Variants in RNF14 observed in about 807,000 individuals in gnomAD.
RNF14 encodes the protein ring finger protein 14.
Under a neutral mutation model 52.6 loss-of-function variants are expected in RNF14, and 26 were observed. The ratio of observed to expected loss-of-function variants is 0.49; its 90% CI spans 0.36 to 0.69. The LOEUF is 0.69. Ranked by LOEUF, RNF14 falls within the 30% of genes least tolerant of loss-of-function variation. RNF14 has a pLI of 0.00. For synonymous variants in RNF14, 194 were observed against 202.0 expected (o/e 0.96, Z 0.34); for missense variants, 404 against 560.4 (o/e 0.72, Z 2.82).
intron 1 of RNF14, chr5:141,958,529 C>G (rs1596648760): frequency 6.6e-6 from 1 of 152,646 alleles, no homozygotes; most frequent in South Asian, 2.1e-4. Flanking sequence ...TCTCTTTGTT[C>G]CTATCTTTTC....
chr5:141,969,582 G>A (rs924922521), intron 1 of RNF14: 1 of 152,296 alleles, frequency 6.6e-6, no homozygotes, highest in Non-Finnish European at 1.5e-5. Flanking sequence ...AATGGATAGA[G>A]TGAGAAGGAA....
chr5:141,957,452 G>A (rs751221718), upstream of RNF14: 17 of 1,612,398 alleles, frequency 1.1e-5, no homozygotes, highest in Non-Finnish European at 1.4e-5. This position sits in a 1 kb window ranked among gnomAD's most constrained non-coding sequence, Gnocchi z 4.3. Flanking sequence ...TTGGGAAACC[G>A]TGGCTGGTGG....
At chr5:141,956,243 C>T (rs141885211), upstream of RNF14, 27 of 1,614,090 alleles carry the variant, frequency 1.7e-5, no homozygotes, top group Middle Eastern at 3.3e-4. Context: ...CTGTCCTCTG[C>T]GATCACCTGG....
Position 141,989,655 on chromosome 5 carries a change from T to C in RNF14, c.*1865T>C, listed in dbSNP as rs1181734239. 6.9e-6 allele frequency: 1 copy of C among 144,778 alleles called. No individual in the cohort carries two copies. The highest frequency in any genetic ancestry group is 1.5e-5 in the Non-Finnish European group (1 of 67,312). The allele number at this position is 144,778 out of a possible 1,614,324, so 9.0% of individuals were successfully genotyped here. A position where few individuals can be genotyped will look rare whatever the true frequency, so the allele number is the denominator to read the frequency against. On this transcript the variant is annotated 3_prime_UTR_variant, in exon 9 of 9. Coordinates refer to ENST00000394520, the MANE Select transcript of RNF14 (RefSeq NM_004290.5). ...TTGCAGTGAGCCGAGATAGCGCCACTGCACTCCAGCCTGAGCGACAGAGCG... is the reference window on the plus strand; with the variant it reads ...TTGCAGTGAGCCGAGATAGCGCCACCGCACTCCAGCCTGAGCGACAGAGCG...
chr5:141,980,739 A>G (rs916729025), intron 6 of RNF14, among the ~76,000 whole-genome samples: 2 of 152,218 alleles, frequency 1.3e-5, no homozygotes, highest in Non-Finnish European at 2.9e-5. Context: ...AGGAGGTAAG[A>G]AAAACCGTGC....
At chr5:141,971,576 TTTCTTTCTTTC>T in intron 2 of RNF14, among the ~76,000 whole-genome samples, 1 of 4,176 alleles carries the variant, frequency 2.4e-4, no homozygotes, top group South Asian at 0.013. Flanking sequence ...TCTTTCTTTC[TTTCTTTCTTTC>T]TTTCTTTCTT....
chr5:141,979,087 A>G (rs987611864), intron 5 of RNF14, among the ~76,000 whole-genome samples: 1 of 152,230 alleles, frequency 6.6e-6, no homozygotes, highest in Non-Finnish European at 1.5e-5. Flanking sequence ...TTTACTTTGT[A>G]TATCTGCTAG....
At chr5:141,950,271 G>A in the RNF14 span, among the ~76,000 whole-genome samples, 1 of 152,150 alleles carries the variant, frequency 6.6e-6, no homozygotes, top group African/African-American at 2.4e-5. Flanking sequence ...GGACAGGCCT[G>A]GACCCTCATC....
At chr5:141,958,001 G>A (rs1753216737), upstream of RNF14, 9 of 879,882 alleles carry the variant, frequency 1.0e-5, no homozygotes, top group South Asian at 1.4e-4. Flanking sequence ...AGATGATTAT[G>A]AAACAAGCAG....
Position 141,987,754 on chromosome 5 carries a change from T to TGAC in RNF14, c.1395_1397dup (p.Asp466dup). ...CCAGGCTGTTTTATGCTGTGGATGT[T>TGAC]GACGACGATATTTGGGAAGATGAGG... On this transcript the variant is annotated inframe_insertion, in exon 9 of 9. Coordinates refer to ENST00000394520, the MANE Select transcript of RNF14 (RefSeq NM_004290.5). The TGAC allele has an allele frequency of 6.2e-7, 1 of 1,613,950 alleles. No homozygotes were observed. Among genetic ancestry groups the TGAC allele is most frequent in the East Asian group, 2.2e-5 (1 of 44,874 alleles).
At chr5:141,957,611 A>G (rs200826256), upstream of RNF14, 1,202 of 1,614,200 alleles carry the variant, frequency 7.4e-4, 8 homozygotes, top group Non-Finnish European at 2.9e-4. This position sits in a 1 kb window ranked among gnomAD's most constrained non-coding sequence, Gnocchi z 4.3. Context: ...CCTTCCTCAG[A>G]GTCCACCTGA....
At chr5:141,975,700 T>C (rs1754181205) in intron 4 of RNF14, among the ~76,000 whole-genome samples, 1 of 152,092 alleles carries the variant, frequency 6.6e-6, no homozygotes, top group Admixed American at 6.6e-5. Context: ...TGAAGATCAA[T>C]AGACTAATGT....
upstream of RNF14, chr5:141,958,012 G>A: frequency 1.3e-6 from 1 of 797,652 alleles, no homozygotes; most frequent in Non-Finnish European, 1.9e-6. Flanking sequence ...AAACAAGCAG[G>A]ACCCCAAGGC....
chr5:141,956,314 T>C, upstream of RNF14: 1 of 1,614,206 alleles, frequency 6.2e-7, no homozygotes, highest in Non-Finnish European at 8.5e-7. Context: ...CTCTCCTGTG[T>C]TGGAGTCAAT....
intron 6 of RNF14, 41 bp downstream of exon 6, chr5:141,980,392 C>A: frequency 6.9e-7 from 1 of 1,448,596 alleles, no homozygotes; most frequent in Non-Finnish European, 9.6e-7. Context: ...TCCCCAGTCT[C>A]TCCCTCACAT....
chr5:141,984,256 C>T (rs894687966), intron 7 of RNF14, among the ~76,000 whole-genome samples: 2 of 152,070 alleles, frequency 1.3e-5, no homozygotes, highest in African/African-American at 2.4e-5. Context: ...AGCCACCACA[C>T]CTGGCTAATT....
At chr5:141,951,376 C>T in the RNF14 span, 1 of 753,168 alleles carries the variant, frequency 1.3e-6, no homozygotes, top group Non-Finnish European at 2.3e-6. Context: ...TCTGCTGCAC[C>T]CTCCCAGGGG....
At chr5:141,951,128 A>G in the RNF14 span, among the ~76,000 whole-genome samples, 2 of 152,180 alleles carry the variant, frequency 1.3e-5, no homozygotes, top group South Asian at 4.1e-4. Flanking sequence ...GAGCCTTCAT[A>G]TTATGTTTAT....
upstream of RNF14, among the ~76,000 whole-genome samples, chr5:141,953,899 T>G (rs116234707): frequency 0.012 from 1,811 of 152,330 alleles, 31 homozygotes; most frequent in African/African-American, 0.041. Flanking sequence ...CAAACAGAAG[T>G]GTGCCTTGGG....
Sources: gnomAD v4.1 joint callset for allele counts (sites outside exome capture counted in the v4.1 genomes callset) on GRCh38, gnomAD v4.1.1 for gene constraint, Gnocchi (gnomAD v3.1) non-coding constraint, MANE v1.5 for transcripts, NCBI Gene and HGNC (gene_info 2026-07-23, HGNC 2026-07-21) for gene names.